The following TRIM60 variants were observed in gnomAD, a reference collection of about 807,000 sequenced individuals.
The protein encoded by TRIM60 is tripartite motif containing 60, also known as tripartite motif-containing protein 60.
For missense variants in TRIM60, 524 were observed against 540.8 expected (o/e 0.97, Z 0.31); for synonymous variants, 189 against 195.2 (o/e 0.97, Z 0.27).
chr4:165,037,295 A>G (rs1328740432), intron 1 of TRIM60, among the ~76,000 whole-genome samples: 1 of 152,140 alleles, frequency 6.6e-6, no homozygotes, highest in Non-Finnish European at 1.5e-5. Flanking sequence ...AGGACTTTGG[A>G]TACGCCTATC....
In TRIM60 at chr4:165,040,155, C is replaced by T. The variant is rs1733719569; in HGVS notation, c.83C>T (p.Thr28Ile). The change falls in exon 3 of 3, where the codon ACC becomes ATC. Residue 28 changes from threonine (T) to isoleucine (I), a missense_variant. By Grantham distance (89) the Thr-to-Ile change is moderately conservative (BLOSUM62 -1). Transcript: ENST00000512596. ...ICLEYLKDPV[T>I]INCGHNFCRS... The stretch of plus-strand genomic sequence containing the variant: ...CTGGAGTACTTGAAAGACCCAGTGA[C>T]CATCAACTGTGGGCACAACTTCTGT... 2 of 1,613,984 alleles carry T rather than the reference C, an allele frequency of 1.2e-6. No individual in the cohort carries two copies. Among genetic ancestry groups the T allele is most frequent in the South Asian group, 1.1e-5 (1 of 91,090 alleles).
chr4:165,033,147 C>G (rs1408020155), intron 1 of TRIM60, among the ~76,000 whole-genome samples: 1 of 152,132 alleles, frequency 6.6e-6, no homozygotes, highest in African/African-American at 2.4e-5. Flanking sequence ...GGAGATCGCG[C>G]CACTGCACTC....
intron 2 of TRIM60, 154 bp downstream of exon 2, chr4:165,039,406 G>A (rs1484440224): frequency 1.3e-5 from 2 of 152,142 alleles, no homozygotes; most frequent in Non-Finnish European, 2.9e-5. Context: ...CCAAATCCAG[G>A]AGATTTTGAA....
Position 165,040,336 on chromosome 4 carries a change from A to T in TRIM60, c.264A>T (p.Arg88Ser). ...AACTCCAGATTAGGAGGAGCAAGAG[A>T]AAGAGGCAGAAAGAGAATGCCATGT... is the stretch of plus-strand genomic sequence containing the variant. ...AKQLQIRRSK[R>S]KRQKENAMCE... Residue 88 changes from arginine (R) to serine (S), a missense_variant, in exon 3 of 3, where the codon AGA becomes AGT. Physicochemically the swap from Arg to Ser is moderately radical, Grantham distance 110. Transcript: ENST00000512596. 1 of 1,614,216 alleles carries T rather than the reference A, an allele frequency of 6.2e-7. No homozygotes were observed. Among genetic ancestry groups the T allele is most frequent in the Non-Finnish European group, 8.5e-7 (1 of 1,180,040 alleles).
chr4:165,034,128 T>C (rs1733566071), intron 1 of TRIM60, among the ~76,000 whole-genome samples: 1 of 151,450 alleles, frequency 6.6e-6, no homozygotes, highest in Non-Finnish European at 1.5e-5. Context: ...GAATGTTCCC[T>C]GCACCTTTTT....
intron 1 of TRIM60, among the ~76,000 whole-genome samples, chr4:165,035,464 A>G (rs1733600492): frequency 6.6e-6 from 1 of 152,212 alleles, no homozygotes; most frequent in African/African-American, 2.4e-5. Flanking sequence ...TAAGCTTCCA[A>G]AAGTCCGCTC....
chr4:165,039,235 A>T lies in TRIM60; in HGVS notation c.-22A>T, dbSNP rs1235867970. Reference sequence around the variant, plus strand: ...TTGCCCCATCATTGGTTAAGGTGGTATTCTCTACATTATAAAGGTACTTAT... The same window carrying T: ...TTGCCCCATCATTGGTTAAGGTGGTTTTCTCTACATTATAAAGGTACTTAT... On this transcript the variant is annotated 5_prime_UTR_variant, in exon 2 of 3. Coordinates refer to ENST00000512596, the MANE Select transcript of TRIM60 (RefSeq NM_152620.3). 1 of 152,096 alleles carries T rather than the reference A, an allele frequency of 6.6e-6. No homozygotes were observed. The highest frequency in any genetic ancestry group is 1.5e-5 in the Non-Finnish European group (1 of 68,024). The allele number at this position is 152,096 out of a possible 1,614,324, so 9.4% of individuals were successfully genotyped here. A position where few individuals can be genotyped will look rare whatever the true frequency, so the allele number is the denominator to read the frequency against.
rs753037559 is a variant in TRIM60 at position 165,041,208 on chromosome 4, C to T, written c.1136C>T (p.Pro379Leu). 3 of 1,614,138 alleles carry T rather than the reference C, an allele frequency of 1.9e-6. No individual in the cohort carries two copies. The highest frequency in any genetic ancestry group is 3.3e-5 in the Admixed American group (2 of 59,994). Reference protein sequence around the residue: ...DCLLRNWQDQPSVLGGFWAIG... With the variant: ...DCLLRNWQDQLSVLGGFWAIG... The stretch of plus-strand genomic sequence containing the variant: ...CTTCTTAGGAACTGGCAGGATCAGC[C>T]ATCAGTTCTGGGCGGATTCTGGGCA... The change falls in exon 3 of 3, where the codon CCA becomes CTA. Residue 379 changes from proline to leucine, a missense_variant. Transcript: ENST00000512596.
rs1444411783 is a variant in TRIM60 at position 165,041,146 on chromosome 4, C to T, written c.1074C>T (p.Asn358=). 2 of 1,614,158 alleles carry T rather than the reference C, an allele frequency of 1.2e-6. No homozygotes were observed. The highest frequency in any genetic ancestry group is 3.3e-5 in the Admixed American group (2 of 60,016). The part of the protein sequence containing the change: ...GRHYWEVEVG[N]KPKWILGVCQ... ...ATTACTGGGAAGTAGAAGTGGGAAACAAACCTAAATGGATATTGGGTGTGT... is the reference window on the plus strand; with the variant it reads ...ATTACTGGGAAGTAGAAGTGGGAAATAAACCTAAATGGATATTGGGTGTGT... Residue 358 remains asparagine (N), a synonymous_variant, in exon 3 of 3, where the codon AAC becomes AAT. Coordinates refer to ENST00000512596, the MANE Select transcript of TRIM60 (RefSeq NM_152620.3).
chr4:165,033,461 G>A (rs1322242612), intron 1 of TRIM60, among the ~76,000 whole-genome samples: 2 of 152,126 alleles, frequency 1.3e-5, no homozygotes, highest in African/African-American at 4.8e-5. Flanking sequence ...AATCTCAACT[G>A]TAATCTGCAG....
chr4:165,034,507 A>C (rs1733575906), intron 1 of TRIM60, among the ~76,000 whole-genome samples: 1 of 152,208 alleles, frequency 6.6e-6, no homozygotes, highest in South Asian at 2.1e-4. Flanking sequence ...AAAAAATTCC[A>C]GTCATATTTT....
Position 165,040,428 on chromosome 4 carries a change from G to A in TRIM60, c.356G>A (p.Cys119Tyr). 6.2e-7 allele frequency: 1 copy of A among 1,614,166 alleles called. No homozygotes were observed. The highest frequency in any genetic ancestry group is 8.5e-7 in the Non-Finnish European group (1 of 1,180,028). The change falls in exon 3 of 3, where the codon TGC (cysteine) becomes TAC (tyrosine). Residue 119 changes from cysteine to tyrosine, a missense_variant. Transcript: ENST00000512596. ...GATCTAGAGATCTTATGTACACAGT[G>A]CAGTTTCTCCACTAAACACCAGAAG... ...VKDLEILCTQ[C>Y]SFSTKHQKHY...
At chr4:165,032,904 G>A (rs1197265643) in intron 1 of TRIM60, among the ~76,000 whole-genome samples, 2 of 152,012 alleles carry the variant, frequency 1.3e-5, no homozygotes, top group African/African-American at 4.8e-5. Flanking sequence ...ATCAGAGTAG[G>A]AGCCAGGCGC....
intron 1 of TRIM60, among the ~76,000 whole-genome samples, chr4:165,032,376 G>A (rs1733522999): frequency 6.6e-6 from 1 of 152,218 alleles, no homozygotes; most frequent in East Asian, 1.9e-4. Flanking sequence ...AGCCTCCTGA[G>A]TAGCTGGGAT....
intron 1 of TRIM60, among the ~76,000 whole-genome samples, chr4:165,038,441 C>T (rs1013671893): frequency 2.0e-5 from 3 of 151,892 alleles, no homozygotes; most frequent in Non-Finnish European, 4.4e-5. Flanking sequence ...ATAATCCCAG[C>T]ACTTTGGGAG....
intron 1 of TRIM60, among the ~76,000 whole-genome samples, chr4:165,038,226 T>A (rs1733667381): frequency 6.6e-6 from 1 of 152,224 alleles, no homozygotes; most frequent in South Asian, 2.1e-4. Context: ...GCAGCTATGG[T>A]GCAGTTAGGA....
chr4:165,039,960 G>C, intron 2 of TRIM60, 109 bp from the exon 3 acceptor site: 1 of 831,444 alleles, frequency 1.2e-6, no homozygotes. Flanking sequence ...ACCTAAACCT[G>C]ATCAATCTAC....
In TRIM60 at chr4:165,040,252, T is replaced by C; in HGVS notation, c.180T>C (p.Phe60=). The change falls in exon 3 of 3, where the codon TTT becomes TTC. Residue 60 remains phenylalanine (F), a synonymous_variant. Transcript: ENST00000512596. Reference sequence around the variant, plus strand: ...CCTGTCCTGTCTGCCGTTTTTGCTTTCCATACAAGAGCTTCAGGAGGAACC... The same window carrying C: ...CCTGTCCTGTCTGCCGTTTTTGCTTCCCATACAAGAGCTTCAGGAGGAACC... ...TFPCPVCRFC[F]PYKSFRRNPQ... 2 of 1,614,190 alleles carry C rather than the reference T, an allele frequency of 1.2e-6. No homozygotes were observed. Among genetic ancestry groups the C allele is most frequent in the East Asian group, 2.2e-5 (1 of 44,888 alleles).
intron 1 of TRIM60, among the ~76,000 whole-genome samples, chr4:165,033,396 C>T (rs180836719): frequency 6.6e-6 from 1 of 152,010 alleles, no homozygotes; most frequent in Non-Finnish European, 1.5e-5. Context: ...GAATTCAGAC[C>T]GTGAACTGTA....
Sources: allele counts gnomAD v4.1 joint callset (sites outside exome capture counted in the v4.1 genomes callset), GRCh38; gene constraint gnomAD v4.1.1; transcripts MANE v1.5; gene names NCBI Gene and HGNC (gene_info 2026-07-23, HGNC 2026-07-21).